SOAT1: variants seen among roughly 807,000 people sequenced by gnomAD.
SOAT1 encodes sterol O-acyltransferase 1.
A neutral mutation model predicts 69.5 loss-of-function variants in SOAT1; 55 were observed. The observed-to-expected ratio is 0.79, with a 90% CI of 0.64 to 0.99. The LOEUF is 0.99. Ranked by LOEUF, SOAT1 falls within the 50% of genes least tolerant of loss-of-function variation. SOAT1 has a pLI of 0.00. For missense variants in SOAT1, 580 were observed against 669.3 expected (o/e 0.87, Z 1.47); for synonymous variants, 231 against 224.7 (o/e 1.03, Z -0.25).
In SOAT1 at chr1:179,351,302, C is replaced by G. The variant is rs758574368; in HGVS notation, c.1451-15C>G. 6.8e-6 allele frequency: 11 copies of G among 1,612,568 alleles called. No individual in the cohort carries two copies. In the Admixed American group the frequency reaches 1.7e-4, roughly 24 times the overall value. The stretch of plus-strand genomic sequence containing the variant: ...CTGATAACTGTATATTTCTTTGTTG[C>G]CTTCCTATTTTTAGTGGCTTTCAAC... On this transcript the variant is annotated splice_polypyrimidine_tract_variant and intron_variant, in intron 14 of 15. Transcript: ENST00000367619.
rs534032311 is a variant in SOAT1 at position 179,314,612 on chromosome 1, G to T, written c.119-8825G>T. 1.3e-4 allele frequency among the ~76,000 whole-genome samples: 20 copies of T among 152,098 alleles called. No homozygotes were observed. In the South Asian group the frequency reaches 3.5e-3, roughly 27 times the overall value. On this transcript the variant is annotated intron_variant, in intron 2 of 15. Transcript: ENST00000367619. ...TTTGTTTTATTTTTTTGTAGAGAATGGGGGGGTCTCACTTTGTTGCTCAGG... is the reference window on the plus strand; with the variant it reads ...TTTGTTTTATTTTTTTGTAGAGAATTGGGGGGTCTCACTTTGTTGCTCAGG...
rs374255840 is a variant in SOAT1, at chr1:179,337,823, T to G, written c.330-14T>G. The G allele has an allele frequency of 4.8e-5, 77 of 1,599,290 alleles. No homozygotes were observed. Among genetic ancestry groups the G allele is most frequent in the Non-Finnish European group, 6.2e-5 (73 of 1,171,066 alleles). On this transcript the variant is annotated splice_polypyrimidine_tract_variant and intron_variant, in intron 4 of 15. Coordinates refer to ENST00000367619, the MANE Select transcript of SOAT1 (RefSeq NM_003101.6). ...GAAGTACTTATATCTTGTTTTAATT[T>G]TTCCTCTTCTCAGGGATTTGAGAGC...
chr1:179,310,102 A>G (rs189476201), intron 2 of SOAT1, among the ~76,000 whole-genome samples: 1 of 151,844 alleles, frequency 6.6e-6, no homozygotes, highest in Non-Finnish European at 1.5e-5. Flanking sequence ...GTTTCACCAT[A>G]TCAGCCAGGC....
Position 179,341,115 on chromosome 1 carries a change from A to C in SOAT1, c.585A>C (p.Thr195=), listed in dbSNP as rs763241916. Reference sequence around the variant, plus strand: ...CCTGGTGGATCATGTTCCTGTCTACATTTTCAGTTCCCTATTTTCTGTTTC... The same window carrying C: ...CCTGGTGGATCATGTTCCTGTCTACCTTTTCAGTTCCCTATTTTCTGTTTC... ...VWTWWIMFLS[T]FSVPYFLFQH... is the part of the protein sequence containing the mutation. The change falls in exon 7 of 16, where the codon ACA becomes ACC. Residue 195 remains threonine, a synonymous_variant. Coordinates refer to ENST00000367619, the MANE Select transcript of SOAT1 (RefSeq NM_003101.6). 6.2e-7 allele frequency: 1 copy of C among 1,613,786 alleles called. No homozygotes were observed. Among genetic ancestry groups the C allele is most frequent in the East Asian group, 2.2e-5 (1 of 44,888 alleles).
At chr1:179,305,700 T>C (rs552750468) in intron 2 of SOAT1, among the ~76,000 whole-genome samples, 2 of 152,302 alleles carry the variant, frequency 1.3e-5, no homozygotes, top group East Asian at 3.9e-4. Context: ...CCACCAGCAA[T>C]GTATGAGGGT....
chr1:179,295,859 G>A (rs1664614135), intron 1 of SOAT1, among the ~76,000 whole-genome samples: 2 of 137,006 alleles, frequency 1.5e-5, no homozygotes, highest in African/African-American at 5.6e-5. Context: ...AGGCTGGAAT[G>A]GCACGATCTC....
intron 1 of SOAT1, among the ~76,000 whole-genome samples, chr1:179,298,887 T>C (rs1664739481): frequency 6.6e-6 from 1 of 152,212 alleles, no homozygotes; most frequent in Non-Finnish European, 1.5e-5. Flanking sequence ...TGAACCATCA[T>C]AAGTTGGGGA....
At chr1:179,329,545 C>A (rs113772921) in intron 3 of SOAT1, among the ~76,000 whole-genome samples, 2 of 151,966 alleles carry the variant, frequency 1.3e-5, no homozygotes, top group African/African-American at 4.8e-5. Flanking sequence ...TGGTGAAACC[C>A]CATCTTTACT....
chr1:179,320,633 C>A (rs1395649442), intron 2 of SOAT1, among the ~76,000 whole-genome samples: 3 of 152,084 alleles, frequency 2.0e-5, no homozygotes. Context: ...TATGGGATGT[C>A]TTTAGACTTA....
rs549015161 is a variant in SOAT1 at position 179,325,925 on chromosome 1, A to G, written c.177+2430A>G. On this transcript the variant is annotated intron_variant, in intron 3 of 15. Transcript: ENST00000367619. ...TTTAGGAGGATTAGAAGGAGAAAGT[A>G]ATGAATGAAATAAGGGAAAAGCTGA... Among the ~76,000 whole-genome samples, 19 of 152,336 alleles carry G rather than the reference A, an allele frequency of 1.2e-4. No individual in the cohort carries two copies. In the South Asian group the frequency reaches 3.9e-3, roughly 32 times the overall value.
At chr1:179,301,931 C>T (rs1173648387) in intron 1 of SOAT1, among the ~76,000 whole-genome samples, 1 of 151,974 alleles carries the variant, frequency 6.6e-6, no homozygotes, top group African/African-American at 2.4e-5. Context: ...TCTCTGCTGT[C>T]TCTGAACTTA....
chr1:179,351,339 T>C lies in SOAT1; in HGVS notation c.1473T>C (p.Asn491=). The change falls in exon 15 of 16, where the codon AAT becomes AAC. Residue 491 remains asparagine (N), a synonymous_variant. Coordinates refer to ENST00000367619, the MANE Select transcript of SOAT1 (RefSeq NM_003101.6). The part of the protein sequence containing the change: ...FFGMAFNFIV[N]DSRKKPIWNV... ...TAGTGGCTTTCAACTTCATTGTCAA[T>C]GATAGTCGGAAAAAGCCGATTTGGA... 1 of 1,614,136 alleles carries C rather than the reference T, an allele frequency of 6.2e-7. No homozygotes were observed. The highest frequency in any genetic ancestry group is 1.3e-5 in the African/African-American group (1 of 75,052).
chr1:179,345,584 A>T (rs1340289082), intron 11 of SOAT1, among the ~76,000 whole-genome samples: 1 of 149,762 alleles, frequency 6.7e-6, no homozygotes, highest in African/African-American at 2.4e-5. Flanking sequence ...TTTTTTTGAA[A>T]TCGGGTCTCT....
chr1:179,323,601 A>C, intron 3 of SOAT1, 106 bp downstream of exon 3: 1 of 896,220 alleles, frequency 1.1e-6, no homozygotes, highest in South Asian at 1.5e-5. Context: ...TAAGCCATTC[A>C]TCAGTTGCTG....
chr1:179,319,764 G>C (rs1174538928), intron 2 of SOAT1, among the ~76,000 whole-genome samples: 1 of 151,954 alleles, frequency 6.6e-6, no homozygotes, highest in African/African-American at 2.4e-5. Flanking sequence ...CTACAAGTGC[G>C]CATCCCACGC....
chr1:179,316,299 G>T (rs1461904493), intron 2 of SOAT1, among the ~76,000 whole-genome samples: 1 of 151,344 alleles, frequency 6.6e-6, no homozygotes, highest in Non-Finnish European at 1.5e-5. Flanking sequence ...TGTAATTGCA[G>T]TACTTGCGTA....
At chr1:179,322,993 C>T (rs139007355) in intron 2 of SOAT1, among the ~76,000 whole-genome samples, 9 of 149,874 alleles carry the variant, frequency 6.0e-5, no homozygotes, top group South Asian at 2.1e-4. Context: ...AGAATCCTTA[C>T]GTTTCTTATA....
chr1:179,307,183 C>A (rs575813952), intron 2 of SOAT1, among the ~76,000 whole-genome samples: 2 of 152,300 alleles, frequency 1.3e-5, no homozygotes, highest in Non-Finnish European at 2.9e-5. Flanking sequence ...ATATCTGCTG[C>A]TGCCACTTGT....
At chr1:179,295,681 A>G (rs893853731) in intron 1 of SOAT1, among the ~76,000 whole-genome samples, 1 of 152,206 alleles carries the variant, frequency 6.6e-6, no homozygotes, top group Non-Finnish European at 1.5e-5. Flanking sequence ...ATTTTAATAC[A>G]GTATATTGTT....
Sources: allele counts gnomAD v4.1 joint callset (sites outside exome capture counted in the v4.1 genomes callset), GRCh38; gene constraint gnomAD v4.1.1; transcripts MANE v1.5; gene names NCBI Gene and HGNC (gene_info 2026-07-23, HGNC 2026-07-21).